MCTP1: variants seen among roughly 807,000 people sequenced by gnomAD.
The protein encoded by MCTP1 is multiple C2 and transmembrane domain containing 1, also known as multiple C2 and transmembrane domain-containing protein 1.
Under a neutral mutation model 120.6 loss-of-function variants are expected in MCTP1, and 69 were observed. The observed-to-expected ratio is 0.57, with a 90% confidence interval of 0.47 to 0.70. MCTP1 has a LOEUF of 0.70. Among genes scored for constraint, MCTP1 ranks in the 30% least tolerant of loss-of-function variants. The pLI, the probability that MCTP1 is intolerant of heterozygous loss-of-function variation, is 0.00. For missense variants in MCTP1, 1,203 were observed against 1,248.8 expected (o/e 0.96, Z 0.55); for synonymous variants, 529 against 493.1 (o/e 1.07, Z -0.96).
intron 1 of MCTP1, among the ~76,000 whole-genome samples, chr5:95,242,017 C>T (rs1756219815): frequency 6.6e-6 from 1 of 152,040 alleles, no homozygotes; most frequent in Non-Finnish European, 1.5e-5. Flanking sequence ...TGAATCAAAA[C>T]GCCTATGCAA....
chr5:94,984,058 C>A (rs1294846577), intron 2 of MCTP1, among the ~76,000 whole-genome samples: 1 of 152,108 alleles, frequency 6.6e-6, no homozygotes, highest in Non-Finnish European at 1.5e-5. Context: ...CCAGATTAGT[C>A]CTAAATCTAT....
At position 94,779,147 on chromosome 5, in the gene MCTP1, A is replaced by G. The variant is rs751671261; in HGVS notation, c.2573T>C (p.Leu858Pro). The G allele has an allele frequency of 7.4e-6, 12 of 1,613,674 alleles. No individual in the cohort carries two copies. The East Asian group carries it at 2.5e-4, about 33-fold the overall frequency. ...RQRDTVVEDMLEDEEEEDDKD... is the reference protein window; with the variant it reads ...RQRDTVVEDMPEDEEEEDDKD... ...GTCATCTTCTTCTTCCTCGTCCTCT[A>G]GCATGTCCTCCACTACCTGCAGAGA... Residue 858 changes from leucine to proline, a missense_variant, in exon 19 of 23, where the codon CTA becomes CCA. Leu to Pro is a moderately conservative substitution (Grantham distance 98). Transcript: ENST00000515393.
In MCTP1 at chr5:94,920,474, G is replaced by A. The variant is rs139285131; in HGVS notation, c.1273-2501C>T. ...AGCCAACAACTCGGCAGGGCGCGGT[G>A]GCTCACGCCTGTAATCCCAGCACTT... On this transcript the variant is annotated intron_variant, in intron 7 of 22. Coordinates refer to ENST00000515393, the MANE Select transcript of MCTP1 (RefSeq NM_024717.7). Among the ~76,000 whole-genome samples the A allele has an allele frequency of 5.7e-3, 869 of 152,200 alleles. 27 individuals carry two copies. The highest frequency in any genetic ancestry group is 0.047 in the Admixed American group (717 of 15,276).
In MCTP1 at chr5:95,116,698, C is replaced by T. The variant is rs112543809; in HGVS notation, c.721-99214G>A. Among the ~76,000 whole-genome samples the T allele has an allele frequency of 5.8e-3, 874 of 151,980 alleles. 8 individuals are homozygous for T. Among genetic ancestry groups the T allele is most frequent in the African/African-American group, 0.017 (722 of 41,454 alleles). On this transcript the variant is annotated intron_variant, in intron 1 of 22. Transcript: ENST00000515393. The stretch of plus-strand genomic sequence containing the variant: ...GAATGTTTTTCCATTTTTTTGTGTC[C>T]TCTCTGGTTTTCTTGAGTGGTGGTT...
At chr5:94,754,874 C>G (rs1043618551) in intron 19 of MCTP1, among the ~76,000 whole-genome samples, 4 of 152,186 alleles carry the variant, frequency 2.6e-5, no homozygotes, top group Admixed American at 2.0e-4. Context: ...CTTCACTTGT[C>G]TCCTTCCCTT....
At chr5:95,077,191 C>T (rs1361823848) in intron 1 of MCTP1, among the ~76,000 whole-genome samples, 1 of 152,132 alleles carries the variant, frequency 6.6e-6, no homozygotes, top group African/African-American at 2.4e-5. Flanking sequence ...TGTAAACAAG[C>T]ATTTAAAAAT....
intron 1 of MCTP1, among the ~76,000 whole-genome samples, chr5:95,242,971 TG>T (rs1201465974): frequency 6.6e-6 from 1 of 152,208 alleles, no homozygotes; most frequent in East Asian, 1.9e-4. Context: ...CTAAAGGTCC[TG>T]TGAAAATTAG....
intron 18 of MCTP1, among the ~76,000 whole-genome samples, chr5:94,794,873 G>A (rs1427352961): frequency 6.6e-6 from 1 of 152,130 alleles, no homozygotes; most frequent in Non-Finnish European, 1.5e-5. Flanking sequence ...TAGAGTTAGT[G>A]CTACTGGCTT....
At chr5:94,954,886 A>C (rs929827094) in intron 2 of MCTP1, among the ~76,000 whole-genome samples, 2 of 152,180 alleles carry the variant, frequency 1.3e-5, no homozygotes, top group African/African-American at 4.8e-5. Context: ...ACACATGTTT[A>C]ATAAGTGAAT....
At chr5:94,729,430 C>A (rs549418957) in intron 19 of MCTP1, among the ~76,000 whole-genome samples, 1 of 152,284 alleles carries the variant, frequency 6.6e-6, no homozygotes, top group South Asian at 2.1e-4. Flanking sequence ...GTCACCTAGT[C>A]ACTGCTGGAT....
intron 1 of MCTP1, among the ~76,000 whole-genome samples, chr5:95,124,608 C>T (rs1405818904): frequency 6.6e-6 from 1 of 152,190 alleles, no homozygotes; most frequent in Non-Finnish European, 1.5e-5. Context: ...CTTGTCCTTT[C>T]CATCACTGGC....
chr5:94,931,360 C>T (rs1225596969), intron 6 of MCTP1: 1 of 152,082 alleles, frequency 6.6e-6, no homozygotes, highest in African/African-American at 2.4e-5. Flanking sequence ...CTGTGTCCAA[C>T]AGTGGCAGCA....
intron 1 of MCTP1, among the ~76,000 whole-genome samples, chr5:95,274,398 C>G (rs1222054307): frequency 6.6e-6 from 1 of 152,148 alleles, no homozygotes; most frequent in African/African-American, 2.4e-5. Context: ...AAAAGGGGTG[C>G]TTCTTCTGGC....
chr5:95,237,680 T>G (rs951492193), intron 1 of MCTP1, among the ~76,000 whole-genome samples: 1 of 152,210 alleles, frequency 6.6e-6, no homozygotes, highest in Non-Finnish European at 1.5e-5. Flanking sequence ...ACTCCTTTGA[T>G]TCATTAATAA....
intron 17 of MCTP1, among the ~76,000 whole-genome samples, chr5:94,864,019 C>T (rs1796317106): frequency 6.6e-6 from 1 of 151,764 alleles, no homozygotes; most frequent in Non-Finnish European, 1.5e-5. Context: ...GAAAACTAGG[C>T]ATTTCAAAAG....
chr5:95,218,545 G>A (rs1753298811), intron 1 of MCTP1, among the ~76,000 whole-genome samples: 1 of 152,180 alleles, frequency 6.6e-6, no homozygotes, highest in African/African-American at 2.4e-5. Flanking sequence ...AAAAATTTCA[G>A]TTTGGTACTA....
intron 17 of MCTP1, among the ~76,000 whole-genome samples, chr5:94,853,400 T>C (rs1366489742): frequency 2.0e-5 from 3 of 151,998 alleles, no homozygotes; most frequent in Non-Finnish European, 4.4e-5. Context: ...TTTCATGTGC[T>C]ATTCTGATGG....
At chr5:95,275,672 C>A (rs1437313317) in intron 1 of MCTP1, among the ~76,000 whole-genome samples, 1 of 152,238 alleles carries the variant, frequency 6.6e-6, no homozygotes, top group East Asian at 1.9e-4. Context: ...ATATTCTTTT[C>A]TTTGTACAAG....
intron 17 of MCTP1, among the ~76,000 whole-genome samples, chr5:94,831,874 T>C (rs1189335884): frequency 1.3e-5 from 2 of 152,156 alleles, no homozygotes; most frequent in East Asian, 3.8e-4. Flanking sequence ...TGGTGGCAAA[T>C]ATTTAGATAT....
Sources: gnomAD v4.1 joint callset for allele counts (sites outside exome capture counted in the v4.1 genomes callset) on GRCh38, gnomAD v4.1.1 for gene constraint, MANE v1.5 for transcripts, NCBI Gene and HGNC (gene_info 2026-07-23, HGNC 2026-07-21) for gene names.